LRRTM4: variants seen among roughly 807,000 people sequenced by gnomAD.
The protein encoded by LRRTM4 is leucine-rich repeat transmembrane neuronal protein 4.
A neutral mutation model predicts 47.6 loss-of-function variants in LRRTM4; 25 were observed. The observed-to-expected ratio is 0.53, with a 90% CI of 0.38 to 0.73. The LOEUF is 0.73. Among genes scored for constraint, LRRTM4 ranks in the 30% least tolerant of loss-of-function variants. The pLI, the probability that LRRTM4 is intolerant of heterozygous loss-of-function variation, is 0.00. For synonymous variants in LRRTM4, 311 were observed against 269.5 expected (o/e 1.15, Z -1.51); for missense variants, 638 against 713.4 (o/e 0.89, Z 1.20).
intron 3 of LRRTM4, among the ~76,000 whole-genome samples, chr2:77,110,371 C>T (rs1192900907): frequency 6.6e-6 from 1 of 151,998 alleles, no homozygotes; most frequent in African/African-American, 2.4e-5. Flanking sequence ...AAATCAAAAC[C>T]CACTAACACA....
chr2:77,170,823 T>C (rs1457618287), intron 3 of LRRTM4, among the ~76,000 whole-genome samples: 1 of 150,922 alleles, frequency 6.6e-6, no homozygotes, highest in African/African-American at 2.4e-5. Flanking sequence ...GGTATGTATG[T>C]ATGTTTGTAT....
chr2:77,392,179 C>A (rs890360933), intron 3 of LRRTM4, among the ~76,000 whole-genome samples: 1 of 152,016 alleles, frequency 6.6e-6, no homozygotes, highest in African/African-American at 2.4e-5. Context: ...ATCTCCATCC[C>A]TATATCTTAA....
chr2:76,905,026 G>A (rs983436421), intron 3 of LRRTM4, among the ~76,000 whole-genome samples: 5 of 152,088 alleles, frequency 3.3e-5, no homozygotes, highest in Non-Finnish European at 7.4e-5. Context: ...GGAGATCTGA[G>A]AACAGGCAGA....
At chr2:77,331,163 A>C (rs913657905) in intron 3 of LRRTM4, among the ~76,000 whole-genome samples, 2 of 152,140 alleles carry the variant, frequency 1.3e-5, no homozygotes, top group Admixed American at 6.6e-5. Context: ...GTTTCTTCTT[A>C]TTCTATTTTT....
At chr2:77,482,989 C>T (rs914897705) in intron 3 of LRRTM4, among the ~76,000 whole-genome samples, 35 of 151,340 alleles carry the variant, frequency 2.3e-4, no homozygotes, top group Admixed American at 7.9e-4. Flanking sequence ...GGCGTGGTGG[C>T]GGGCACCTGT....
At chr2:77,199,487 G>T (rs993058835) in intron 3 of LRRTM4, among the ~76,000 whole-genome samples, 1 of 151,914 alleles carries the variant, frequency 6.6e-6, no homozygotes, top group Admixed American at 6.6e-5. Context: ...TTTTGGATTT[G>T]TCATTTTTCT....
intron 3 of LRRTM4, among the ~76,000 whole-genome samples, chr2:77,016,575 T>C (rs1276033098): frequency 6.6e-6 from 1 of 152,106 alleles, no homozygotes; most frequent in Non-Finnish European, 1.5e-5. Context: ...CCACATCCAT[T>C]TGCAGCTGGA....
At chr2:76,770,575 C>T (rs1673653749) in intron 3 of LRRTM4, among the ~76,000 whole-genome samples, 2 of 152,074 alleles carry the variant, frequency 1.3e-5, no homozygotes, top group Admixed American at 1.3e-4. Flanking sequence ...ATGAAAAGGC[C>T]AGTATTTTTG....
At chr2:76,829,358 T>C (rs1671271482) in intron 3 of LRRTM4, among the ~76,000 whole-genome samples, 1 of 151,978 alleles carries the variant, frequency 6.6e-6, no homozygotes, top group African/African-American at 2.4e-5. Flanking sequence ...TATCCATTTG[T>C]ACTCTTGTTC....
chr2:76,788,683 A>G (rs1401539372), intron 3 of LRRTM4, among the ~76,000 whole-genome samples: 1 of 152,220 alleles, frequency 6.6e-6, no homozygotes, highest in Non-Finnish European at 1.5e-5. Context: ...ACAATCTTGT[A>G]GGACTGTGTG....
intron 3 of LRRTM4, among the ~76,000 whole-genome samples, chr2:77,086,671 T>C (rs1680727782): frequency 6.6e-6 from 1 of 151,798 alleles, no homozygotes; most frequent in Non-Finnish European, 1.5e-5. Flanking sequence ...TGTTTGTTAT[T>C]TTTAGTAGAG....
chr2:76,867,755 G>A (rs1228888059), intron 3 of LRRTM4, among the ~76,000 whole-genome samples: 1 of 152,042 alleles, frequency 6.6e-6, no homozygotes, highest in African/African-American at 2.4e-5. Context: ...TTTATTGATG[G>A]TGTATAGCAC....
chr2:77,022,343 G>A (rs573596434), intron 3 of LRRTM4, among the ~76,000 whole-genome samples: 2 of 152,186 alleles, frequency 1.3e-5, no homozygotes, highest in African/African-American at 4.8e-5. Context: ...GGGACACAGA[G>A]CCAAACCATA....
intron 3 of LRRTM4, among the ~76,000 whole-genome samples, chr2:77,146,377 T>C (rs1273909270): frequency 6.6e-6 from 1 of 152,176 alleles, no homozygotes; most frequent in Non-Finnish European, 1.5e-5. Context: ...TTCATTACTT[T>C]CCTTATCTTT....
intron 3 of LRRTM4, chr2:76,987,540 C>T (rs180972152): frequency 6.6e-6 from 1 of 151,882 alleles, no homozygotes; most frequent in East Asian, 1.9e-4. Context: ...TAAGTTTCAC[C>T]TGTGTGTGTA....
At chr2:76,990,746 CAGAAA>C (rs1558782419) in intron 3 of LRRTM4, among the ~76,000 whole-genome samples, 8 of 151,358 alleles carry the variant, frequency 5.3e-5, no homozygotes, top group African/African-American at 1.5e-4. Context: ...ATCATTGAGG[CAGAAA>C]ACTAACTAAG....
chr2:77,090,941 T>A (rs1172014857), intron 3 of LRRTM4, among the ~76,000 whole-genome samples: 2 of 151,906 alleles, frequency 1.3e-5, no homozygotes, highest in Admixed American at 6.5e-5. Flanking sequence ...CCCTTCTTAA[T>A]CAATACGGAG....
chr2:76,879,930 T>C (rs1672881449), intron 3 of LRRTM4, among the ~76,000 whole-genome samples: 1 of 152,226 alleles, frequency 6.6e-6, no homozygotes, highest in Non-Finnish European at 1.5e-5. Context: ...GGAAACAGCG[T>C]AAGAACTAGA....
intron 3 of LRRTM4, among the ~76,000 whole-genome samples, chr2:77,289,825 T>G (rs2104124752): frequency 6.6e-6 from 1 of 152,108 alleles, no homozygotes; most frequent in African/African-American, 2.4e-5. Context: ...CACACAATAT[T>G]TAATCTATTT....
Sources: gnomAD v4.1 joint callset for allele counts (sites outside exome capture counted in the v4.1 genomes callset) on GRCh38, gnomAD v4.1.1 for gene constraint, MANE v1.5 for transcripts, NCBI Gene and HGNC (gene_info 2026-07-23, HGNC 2026-07-21) for gene names.